Variants in CD47 observed in about 807,000 individuals in gnomAD.
CD47 encodes leukocyte surface antigen CD47.
In CD47, 11 loss-of-function variants were observed where a neutral mutation model predicts 44.6. That is an observed-to-expected ratio of 0.25 (90% CI 0.16 to 0.41). The LOEUF (loss-of-function observed/expected upper bound fraction) is 0.41, where lower values mean the gene tolerates loss of function less well. Among genes scored for constraint, CD47 ranks in the 10% least tolerant of loss-of-function variants. The pLI, the probability that CD47 is intolerant of heterozygous loss-of-function variation, is 1.00. For missense variants in CD47, 306 were observed against 386.7 expected (o/e 0.79, Z 1.75); for synonymous variants, 140 against 136.3 (o/e 1.03, Z -0.19).
chr3:108,081,951 C>T (rs1014166685), intron 1 of CD47, among the ~76,000 whole-genome samples: 1 of 151,906 alleles, frequency 6.6e-6, no homozygotes, highest in Non-Finnish European at 1.5e-5. Flanking sequence ...TTTCTAGCCA[C>T]CCAAATACTA....
intron 2 of CD47, among the ~76,000 whole-genome samples, chr3:108,078,020 C>T (rs1255542522): frequency 2.0e-5 from 3 of 151,884 alleles, no homozygotes; most frequent in Admixed American, 6.6e-5. Flanking sequence ...AAAATGAGAG[C>T]GAACCATTAA....
chr3:108,053,131 T>C (rs951986993), intron 7 of CD47: 1 of 152,326 alleles, frequency 6.6e-6, no homozygotes, highest in African/African-American at 2.4e-5. Flanking sequence ...AGCACTGGAT[T>C]TTCTCATCAG....
chr3:108,052,715 G>A (rs1232922501), intron 7 of CD47: 3 of 152,446 alleles, frequency 2.0e-5, no homozygotes, highest in Non-Finnish European at 4.4e-5. Flanking sequence ...AGCACTTTGG[G>A]AGGCCAAGGC....
At chr3:108,079,681 A>G (rs1426457376) in intron 2 of CD47, among the ~76,000 whole-genome samples, 1 of 151,748 alleles carries the variant, frequency 6.6e-6, no homozygotes, top group Non-Finnish European at 1.5e-5. Context: ...GCAAACAGAA[A>G]TGAAGAGTAC....
chr3:108,052,246 G>C (rs4974386), intron 7 of CD47: 41,173 of 293,010 alleles, frequency 0.14, 3,337 homozygotes, highest in Middle Eastern at 0.19. Flanking sequence ...TCAGCCACTT[G>C]TTACACTGGC....
intron 1 of CD47, among the ~76,000 whole-genome samples, chr3:108,080,679 C>A (rs529174491): frequency 6.6e-6 from 1 of 151,918 alleles, no homozygotes; most frequent in African/African-American, 2.4e-5. Flanking sequence ...ATCATTACTG[C>A]CTACTGATAT....
intron 3 of CD47, among the ~76,000 whole-genome samples, chr3:108,070,741 T>C (rs2079185113): frequency 6.6e-6 from 1 of 152,188 alleles, no homozygotes; most frequent in Admixed American, 6.5e-5. Context: ...TTAAAACTAA[T>C]GCAGGCTGTC....
chr3:108,058,646 G>A (rs2078959386), intron 5 of CD47, among the ~76,000 whole-genome samples: 2 of 152,198 alleles, frequency 1.3e-5, no homozygotes, highest in Admixed American at 1.3e-4. Context: ...TTCACAGTCA[G>A]CTAAGCTGGA....
intron 3 of CD47, among the ~76,000 whole-genome samples, chr3:108,063,880 A>G (rs1270493499): frequency 3.3e-5 from 5 of 152,248 alleles, no homozygotes; most frequent in African/African-American, 1.2e-4. Context: ...CTTAACAAAA[A>G]ATGTATAACC....
rs144241540 is a variant in CD47, at chr3:108,048,588, G to T, written c.967+1031C>A. On this transcript the variant is annotated intron_variant, in intron 10 of 10. Coordinates refer to ENST00000361309, the MANE Select transcript of CD47 (RefSeq NM_001777.4). ...TTTAGTAGAGACGGGGTTTCACCGT[G>T]TTAGCCAGGATGGTCTCGATCTCCT... Among the ~76,000 whole-genome samples, 1,047 of 151,952 alleles carry T rather than the reference G, an allele frequency of 6.9e-3. 9 individuals carry two copies. Among genetic ancestry groups the T allele is most frequent in the South Asian group, 9.3e-3 (45 of 4,818 alleles).
chr3:108,056,542 T>A (rs2078916067), intron 7 of CD47, among the ~76,000 whole-genome samples: 1 of 152,224 alleles, frequency 6.6e-6, no homozygotes. Context: ...CAGCAAAGTT[T>A]ACCTAAAGCA....
At chr3:108,057,446 G>T (rs372569210) in intron 7 of CD47, 31 bp downstream of exon 7, 20 of 978,666 alleles carry the variant, frequency 2.0e-5, no homozygotes, top group Non-Finnish European at 3.0e-5. Context: ...GAAATTATTG[G>T]CATAGGTTAA....
At chr3:108,049,597 A>T in intron 10 of CD47, 22 bp downstream of exon 10, 1 of 1,444,002 alleles carries the variant, frequency 6.9e-7, no homozygotes, top group Non-Finnish European at 9.8e-7. Flanking sequence ...ATCTATAATT[A>T]TTAAGTGCAT....
At chr3:108,082,624 T>A (rs1299988959) in intron 1 of CD47, among the ~76,000 whole-genome samples, 1 of 151,902 alleles carries the variant, frequency 6.6e-6, no homozygotes, top group Non-Finnish European at 1.5e-5. Flanking sequence ...AAAAAAGAGG[T>A]ACGAATGAAG....
chr3:108,076,268 T>C (rs959332536), intron 2 of CD47, among the ~76,000 whole-genome samples: 1 of 152,216 alleles, frequency 6.6e-6, no homozygotes, highest in African/African-American at 2.4e-5. Flanking sequence ...CATGTCTTCA[T>C]TATAAACAGA....
rs1273887502 is a variant in CD47 at position 108,045,115 on chromosome 3, C to G, written c.*2173G>C. 1 of 152,630 alleles carries G rather than the reference C, an allele frequency of 6.6e-6. No homozygotes were observed. The highest frequency in any genetic ancestry group is 2.4e-5 in the African/African-American group (1 of 41,444). The allele number at this position is 152,630 out of a possible 1,614,324, so 9.5% of individuals were successfully genotyped here. The stretch of plus-strand genomic sequence containing the variant: ...AGTTGGTTTCATCTGGCATTTCCCC[C>G]ACTATCTCTGGTGGCATTGTCTAGG... On this transcript the variant is annotated 3_prime_UTR_variant, in exon 11 of 11. Coordinates refer to ENST00000361309, the MANE Select transcript of CD47 (RefSeq NM_001777.4).
At chr3:108,050,852 T>C in intron 8 of CD47, 1 of 458,578 alleles carries the variant, frequency 2.2e-6, no homozygotes. Flanking sequence ...ATTTCCCACT[T>C]CACCACTCTC....
At chr3:108,083,574 T>A (rs2079457523) in intron 1 of CD47, among the ~76,000 whole-genome samples, 1 of 152,072 alleles carries the variant, frequency 6.6e-6, no homozygotes, top group Admixed American at 6.6e-5. Context: ...CTTTTCTGCA[T>A]GGACAACGTC....
intron 3 of CD47, among the ~76,000 whole-genome samples, chr3:108,066,865 G>A (rs1010139894): frequency 1.3e-5 from 2 of 152,110 alleles, no homozygotes; most frequent in African/African-American, 2.4e-5. Context: ...TGAGGAGGAT[G>A]TAACAAAAAG....
Sources: allele counts gnomAD v4.1 joint callset (sites outside exome capture counted in the v4.1 genomes callset), GRCh38; gene constraint gnomAD v4.1.1; transcripts MANE v1.5; gene names NCBI Gene and HGNC (gene_info 2026-07-23, HGNC 2026-07-21).